ATG3: variants seen among roughly 807,000 people sequenced by gnomAD.
ATG3 encodes autophagy related 3.
Under a neutral mutation model 50.7 loss-of-function variants are expected in ATG3, and 25 were observed. That is an observed-to-expected ratio of 0.49 (90% CI 0.36 to 0.69). The LOEUF (loss-of-function observed/expected upper bound fraction) is 0.69. Ranked by LOEUF, ATG3 falls within the 30% of genes least tolerant of loss-of-function variation. The pLI is 0.00. For missense variants in ATG3, 281 were observed against 376.0 expected (o/e 0.75, Z 2.09); for synonymous variants, 119 against 125.5 (o/e 0.95, Z 0.34).
intron 11 of ATG3, chr3:112,533,189 A>G (rs1013879515): frequency 2.0e-6 from 2 of 986,324 alleles, no homozygotes; most frequent in African/African-American, 3.5e-5. Context: ...AATTAAATAA[A>G]AATCCTGTAT....
At chr3:112,536,837 C>T (rs897112847) in intron 9 of ATG3, 4 of 232,572 alleles carry the variant, frequency 1.7e-5, no homozygotes, top group Non-Finnish European at 3.2e-5. Context: ...AGGAGAATGG[C>T]GTAAACCCGG....
At chr3:112,557,487 G>A (rs1038963837) in intron 2 of ATG3, among the ~76,000 whole-genome samples, 8 of 152,080 alleles carry the variant, frequency 5.3e-5, no homozygotes, top group South Asian at 2.1e-4. Flanking sequence ...GCGTGGTGGC[G>A]CTCACCTGTA....
rs183039984 is a variant in ATG3, at chr3:112,545,529, G to C, written c.344-1423C>G. On this transcript the variant is annotated intron_variant, in intron 5 of 11. Coordinates refer to ENST00000283290, the MANE Select transcript of ATG3 (RefSeq NM_022488.5). ...ATAGCTCACTTTCACAAATAAAATAGGTCAAAATCCACAGGTCTAGCACAA... is the reference window on the plus strand; with the variant it reads ...ATAGCTCACTTTCACAAATAAAATACGTCAAAATCCACAGGTCTAGCACAA... Among the ~76,000 whole-genome samples the C allele has an allele frequency of 1.4e-3, 214 of 152,142 alleles. 2 individuals carry two copies. Among genetic ancestry groups the C allele is most frequent in the African/African-American group, 5.0e-3 (206 of 41,500 alleles).
At chr3:112,535,462 TCA>T (rs1559841867) in intron 10 of ATG3, 1 of 152,160 alleles carries the variant, frequency 6.6e-6, no homozygotes, top group Non-Finnish European at 1.5e-5. Context: ...GAGATACGCT[TCA>T]GTTTGATAAG....
chr3:112,549,732 G>C (rs1933475590), intron 4 of ATG3, among the ~76,000 whole-genome samples: 1 of 145,706 alleles, frequency 6.9e-6, no homozygotes, highest in African/African-American at 2.5e-5. Flanking sequence ...GCTTGAACCT[G>C]TGAGCCAAAA....
chr3:112,540,737 C>A (rs2107372674), intron 7 of ATG3, among the ~76,000 whole-genome samples: 1 of 151,178 alleles, frequency 6.6e-6, no homozygotes, highest in Admixed American at 6.6e-5. Flanking sequence ...GTAAGAAAAC[C>A]CAGTGTTATA....
chr3:112,556,296 G>A (rs1219368897), intron 2 of ATG3, among the ~76,000 whole-genome samples: 1 of 151,594 alleles, frequency 6.6e-6, no homozygotes, highest in Non-Finnish European at 1.5e-5. Context: ...GGGCGCCTCT[G>A]CCTGGCCGCC....
chr3:112,541,350 G>A, intron 7 of ATG3, among the ~76,000 whole-genome samples: 1 of 151,404 alleles, frequency 6.6e-6, no homozygotes. Flanking sequence ...TCGCACCACT[G>A]CACTCCAGCC....
intron 10 of ATG3, chr3:112,534,784 A>G (rs1198254788): frequency 1.3e-5 from 2 of 151,870 alleles, no homozygotes; most frequent in Non-Finnish European, 2.9e-5. Flanking sequence ...ATTAAAAAAA[A>G]AAAAAAAAAG....
chr3:112,541,637 A>G (rs111929319), intron 7 of ATG3, among the ~76,000 whole-genome samples, 166 bp downstream of exon 7: 2 of 152,340 alleles, frequency 1.3e-5, no homozygotes, highest in African/African-American at 4.8e-5. Context: ...CAAGATCAAG[A>G]TAAGTTTTAC....
intron 5 of ATG3, among the ~76,000 whole-genome samples, 171 bp from the exon 6 acceptor site, chr3:112,544,277 C>T (rs1175269051): frequency 6.6e-6 from 1 of 152,140 alleles, no homozygotes; most frequent in African/African-American, 2.4e-5. Flanking sequence ...CACAATGGCA[C>T]CTCCTCAAAT....
chr3:112,558,263 A>G (rs1463438636), intron 2 of ATG3, 113 bp downstream of exon 2: 3 of 770,280 alleles, frequency 3.9e-6, no homozygotes, highest in Admixed American at 2.6e-5. Flanking sequence ...CATAAAACCT[A>G]ATTTTACTCA....
intron 7 of ATG3, 150 bp downstream of exon 7, chr3:112,541,653 T>C: frequency 1.6e-6 from 1 of 641,070 alleles, no homozygotes; most frequent in Non-Finnish European, 2.7e-6. Flanking sequence ...TTTACACTAA[T>C]GAAATTTATG....
In ATG3 at chr3:112,553,306, T is replaced by C. The variant is rs1327594399; in HGVS notation, c.138A>G (p.Leu46=). The change falls in exon 3 of 12, where the codon CTA becomes CTG. Residue 46 remains leucine (L), a synonymous_variant. Coordinates refer to ENST00000283290, the MANE Select transcript of ATG3 (RefSeq NM_022488.5). The part of the protein sequence containing the change: ...PEEFVAAGDH[L]VHHCPTWQWA... ...ATTGCCATGTTGGACAGTGGTGGAC[T>C]AGGTGATCTCCAGCTGCCACAAACT... is the stretch of plus-strand genomic sequence containing the variant. The C allele has an allele frequency of 6.2e-7, 1 of 1,612,194 alleles. No individual in the cohort carries two copies. The highest frequency in any genetic ancestry group is 8.5e-7 in the Non-Finnish European group (1 of 1,178,266).
chr3:112,544,670 A>AAAAAAAAAAAAAAG (rs71134845), intron 5 of ATG3, among the ~76,000 whole-genome samples: 3 of 148,954 alleles, frequency 2.0e-5, no homozygotes, highest in Non-Finnish European at 1.5e-5. Flanking sequence ...AAAAAAAAAA[A>AAAAAAAAAAAAAAG]GGAAAGACAA....
At chr3:112,558,738 CT>C (rs879374413) in intron 1 of ATG3, among the ~76,000 whole-genome samples, 516 of 140,908 alleles carry the variant, frequency 3.7e-3, no homozygotes, top group Middle Eastern at 0.011. Flanking sequence ...TAGAAACATT[CT>C]TTTTTTTTTT....
At position 112,561,710 on chromosome 3, in the gene ATG3, C is replaced by A; in HGVS notation, c.-182G>T. 2 of 623,186 alleles carry A rather than the reference C, an allele frequency of 3.2e-6. No homozygotes were observed. Among genetic ancestry groups the A allele is most frequent in the South Asian group, 4.1e-5 (2 of 48,306 alleles). 38.6% of individuals were successfully genotyped at this position (623,186 alleles called of 1,614,324 possible). ...GGACGAGGGGGCGGGGCGGCAGGCA[C>A]AGCGCGCGAAGACGGGGTGCGCGAT... On this transcript the variant is annotated 5_prime_UTR_variant, in exon 1 of 12. Transcript: ENST00000283290.
At chr3:112,533,683 G>A (rs2082571888) in intron 11 of ATG3, 1 of 985,328 alleles carries the variant, frequency 1.0e-6, no homozygotes, top group African/African-American at 1.7e-5. Flanking sequence ...TATGCTATGA[G>A]TACATGTACT....
chr3:112,554,689 C>T (rs1453590592), intron 2 of ATG3, among the ~76,000 whole-genome samples: 1 of 152,212 alleles, frequency 6.6e-6, no homozygotes, highest in African/African-American at 2.4e-5. Context: ...TTGTATTGTT[C>T]ATGGGTTTAC....
Sources: gnomAD v4.1 joint callset for allele counts (sites outside exome capture counted in the v4.1 genomes callset) on GRCh38, gnomAD v4.1.1 for gene constraint, MANE v1.5 for transcripts, NCBI Gene and HGNC (gene_info 2026-07-23, HGNC 2026-07-21) for gene names.